NOVA2: variants seen among roughly 807,000 people sequenced by gnomAD.
The protein encoded by NOVA2 is NOVA alternative splicing regulator 2, also known as RNA-binding protein Nova-2.
Under a neutral mutation model 22.5 loss-of-function variants are expected in NOVA2, and 9 were observed. That is an observed-to-expected ratio of 0.40 (90% CI 0.24 to 0.70). The LOEUF is 0.70. NOVA2 is among the 30% of genes least tolerant of loss of function. The pLI, the probability that NOVA2 is intolerant of heterozygous loss-of-function variation, is 0.38. For missense variants in NOVA2, 383 were observed against 682.8 expected (o/e 0.56, Z 4.89); for synonymous variants, 318 against 335.2 (o/e 0.95, Z 0.56).
intron 3 of NOVA2, among the ~76,000 whole-genome samples, chr19:45,946,444 T>A (rs1002843292): frequency 1.3e-5 from 2 of 152,262 alleles, no homozygotes; most frequent in Non-Finnish European, 2.9e-5. Context: ...AATTTGAATA[T>A]GGACTTTCCA....
intron 1 of NOVA2, among the ~76,000 whole-genome samples, chr19:45,968,655 T>TC (rs1968196461): frequency 6.6e-6 from 1 of 152,100 alleles, no homozygotes; most frequent in African/African-American, 2.4e-5. Context: ...AGCCTTACGC[T>TC]ATGTGCTTCA....
At position 45,941,303 on chromosome 19, in the gene NOVA2, TAA is replaced by T. The variant is rs757595843; in HGVS notation, c.397-360_397-359del. On this transcript the variant is annotated intron_variant, in intron 3 of 3. Transcript: ENST00000263257. ...AGGGAGACCCTGTCTCAAAATAAAA[TAA>T]AATAATATATATATATATATATATA... is the stretch of plus-strand genomic sequence containing the variant. Among the ~76,000 whole-genome samples the T allele has an allele frequency of 8.6e-4, 85 of 99,158 alleles. 1 individual carries two copies. The South Asian group carries it at 0.026, about 30-fold the overall frequency. 65.1% of individuals were successfully genotyped at this position (99,158 alleles called of 152,430 possible). A position where few individuals can be genotyped will look rare whatever the true frequency, so the allele number is the denominator to read the frequency against.
rs1967638903 is a variant in NOVA2 at position 45,935,161 on chromosome 19, G to C, written c.*4702C>G. The C allele has an allele frequency of 6.6e-6, 1 of 151,140 alleles. No individual in the cohort carries two copies. The highest frequency in any genetic ancestry group is 1.5e-5 in the Non-Finnish European group (1 of 67,752). 9.4% of individuals were successfully genotyped at this position (151,140 alleles called of 1,614,324 possible). A position where few individuals can be genotyped will look rare whatever the true frequency, so the allele number is the denominator to read the frequency against. On this transcript the variant is annotated 3_prime_UTR_variant, in exon 4 of 4. Coordinates refer to ENST00000263257, the MANE Select transcript of NOVA2 (RefSeq NM_002516.4). ...GAAAGGGGTGGGGGAGGGGGGGTTA[G>C]GCAGTCCCCCCCCAGTTATCTCTGG...
At chr19:45,972,144 G>C (rs1968240580) in intron 1 of NOVA2, among the ~76,000 whole-genome samples, 2 of 151,610 alleles carry the variant, frequency 1.3e-5, no homozygotes, top group African/African-American at 4.9e-5. Context: ...ATATGCACAC[G>C]TGCCCTGTCA....
intron 3 of NOVA2, 56 bp downstream of exon 3, chr19:45,953,724 T>A: frequency 1.2e-6 from 2 of 1,602,446 alleles, no homozygotes; most frequent in Non-Finnish European, 1.7e-6. Flanking sequence ...GTGGGAGGAA[T>A]GTTTCTTTGT....
chr19:45,942,974 G>A (rs933756909), intron 3 of NOVA2, among the ~76,000 whole-genome samples: 1 of 152,018 alleles, frequency 6.6e-6, no homozygotes, highest in African/African-American at 2.4e-5. Flanking sequence ...TGTCAGTGGG[G>A]AGGACCATAG....
chr19:45,962,705 G>C (rs765325660), intron 1 of NOVA2: 1 of 151,992 alleles, frequency 6.6e-6, no homozygotes, highest in African/African-American at 2.4e-5. Context: ...GGAGTGCAGT[G>C]GTGCAGTCTC....
intron 1 of NOVA2, among the ~76,000 whole-genome samples, chr19:45,963,244 T>C (rs1002106703): frequency 9.2e-5 from 14 of 151,788 alleles, no homozygotes; most frequent in African/African-American, 3.4e-4. Flanking sequence ...CCGGGTGTGG[T>C]GGCGCGTGCC....
chr19:45,945,521 C>T (rs909243055), intron 3 of NOVA2, among the ~76,000 whole-genome samples: 1 of 151,900 alleles, frequency 6.6e-6, no homozygotes, highest in Non-Finnish European at 1.5e-5. Context: ...CTCACTGCAG[C>T]CTTGTACTTC....
At chr19:45,941,180 T>C (rs1397511942) in intron 3 of NOVA2, among the ~76,000 whole-genome samples, 1 of 151,414 alleles carries the variant, frequency 6.6e-6, no homozygotes, top group Admixed American at 6.6e-5. Context: ...TAATCCCAGC[T>C]ACTCAGGAGG....
intron 2 of NOVA2, among the ~76,000 whole-genome samples, chr19:45,959,868 G>A (rs150717440): frequency 0.012 from 1,848 of 151,794 alleles, 12 homozygotes; most frequent in Admixed American, 0.022. Context: ...AAATGAGTGC[G>A]TACTGACCCT....
At chr19:45,951,663 C>T (rs12461960) in intron 3 of NOVA2, among the ~76,000 whole-genome samples, 14 of 151,116 alleles carry the variant, frequency 9.3e-5, no homozygotes, top group Admixed American at 6.6e-4. Flanking sequence ...CAGGCGTGGT[C>T]GTGTTCACCT....
chr19:45,941,007 A>C (rs533056254), intron 3 of NOVA2, 62 bp from the exon 4 acceptor site: 1 of 1,459,518 alleles, frequency 6.9e-7, no homozygotes, highest in Non-Finnish European at 9.1e-7. Context: ...AAATTAAATT[A>C]GGCTGGGCAC....
At chr19:45,966,190 T>A (rs532425928) in intron 1 of NOVA2, among the ~76,000 whole-genome samples, 3 of 152,280 alleles carry the variant, frequency 2.0e-5, no homozygotes, top group Admixed American at 6.5e-5. Context: ...ACTCAGCCTC[T>A]CTCTAATTCC....
chr19:45,971,958 C>A (rs562920203), intron 1 of NOVA2, among the ~76,000 whole-genome samples: 1 of 152,102 alleles, frequency 6.6e-6, no homozygotes, highest in African/African-American at 2.4e-5. Context: ...CCCCTCTCTT[C>A]CCTCACACTG....
chr19:45,953,699 A>T, intron 3 of NOVA2, 81 bp downstream of exon 3: 1 of 1,539,562 alleles, frequency 6.5e-7, no homozygotes, highest in Non-Finnish European at 8.9e-7. Flanking sequence ...ATTGAACCTC[A>T]CAGTAAGCAG....
chr19:45,946,088 T>A (rs928638882), intron 3 of NOVA2, among the ~76,000 whole-genome samples: 7 of 151,530 alleles, frequency 4.6e-5, no homozygotes, highest in African/African-American at 1.7e-4. Flanking sequence ...GCAGATCGCT[T>A]GAGCTCACAA....
intron 1 of NOVA2, among the ~76,000 whole-genome samples, chr19:45,961,973 A>G (rs553126624): frequency 1.3e-3 from 198 of 152,192 alleles, no homozygotes; most frequent in African/African-American, 4.3e-3. Flanking sequence ...GGAGATGAGG[A>G]CAGAGAGGGG....
intron 1 of NOVA2, 83 bp from the exon 2 acceptor site, chr19:45,961,236 G>A (rs1189408136): frequency 3.6e-6 from 3 of 841,754 alleles, no homozygotes; most frequent in East Asian, 2.6e-5. Context: ...AAACCCCAGG[G>A]GTCACAGTAG....
Sources: gnomAD v4.1 joint callset for allele counts (sites outside exome capture counted in the v4.1 genomes callset) on GRCh38, gnomAD v4.1.1 for gene constraint, MANE v1.5 for transcripts, NCBI Gene and HGNC (gene_info 2026-07-23, HGNC 2026-07-21) for gene names.